DYNLT1: variants seen among roughly 807,000 people sequenced by gnomAD.
The protein encoded by DYNLT1 is dynein light chain Tctex-type 1, also known as T-complex testis-specific protein 1 homolog.
Under a neutral mutation model 19.6 loss-of-function variants are expected in DYNLT1, and 18 were observed. That is an observed-to-expected ratio of 0.92 (90% CI 0.64 to 1.36). The LOEUF (loss-of-function observed/expected upper bound fraction) is 1.36, where lower values mean the gene tolerates loss of function less well. Ranked by LOEUF, DYNLT1 falls within the 40% of genes most tolerant of loss-of-function variation. The probability of loss-of-function intolerance (pLI) is 0.00; values close to 1 mark genes in which losing one functional copy is unlikely to be tolerated. For synonymous variants in DYNLT1, 56 were observed against 44.0 expected (o/e 1.27, Z -1.07); for missense variants, 137 against 139.3 (o/e 0.98, Z 0.08).
At chr6:158,637,312 T>A (rs930705463) in intron 3 of DYNLT1, 107 bp from the exon 4 acceptor site, 1 of 989,610 alleles carries the variant, frequency 1.0e-6, no homozygotes, top group African/African-American at 1.6e-5. Flanking sequence ...GTGGTTGATG[T>A]TCTCGATAAA....
Position 158,637,644 on chromosome 6 carries a change from C to T in DYNLT1, c.193+127G>A, listed in dbSNP as rs770623463. On this transcript the variant is annotated intron_variant, in intron 3 of 4. Coordinates refer to ENST00000367089, the MANE Select transcript of DYNLT1 (RefSeq NM_006519.4). ...CGTACGCTAACGTATACTACACACA[C>T]GACCGACTCCCACCAGGAGCCTTCC... The T allele has an allele frequency of 2.0e-5, 29 of 1,463,362 alleles. 1 individual carries two copies. The highest frequency in any genetic ancestry group is 1.7e-4 in the South Asian group (15 of 86,704). 90.6% of individuals were successfully genotyped at this position (1,463,362 alleles called of 1,614,324 possible). A position where few individuals can be genotyped will look rare whatever the true frequency, so the allele number is the denominator to read the frequency against.
chr6:158,644,620 G>C lies in DYNLT1; in HGVS notation c.27+62C>G, dbSNP rs1231750977. ...CAGCCAGGCCTTTCCGGGCAGGACCGCGTGTCCTTCCGCGGCCAGGGCTCT... is the reference window on the plus strand; with the variant it reads ...CAGCCAGGCCTTTCCGGGCAGGACCCCGTGTCCTTCCGCGGCCAGGGCTCT... On this transcript the variant is annotated intron_variant, in intron 1 of 4. Transcript: ENST00000367089. 5.6e-6 allele frequency: 9 copies of C among 1,600,270 alleles called. No individual in the cohort carries two copies. In the Admixed American group the frequency reaches 1.5e-4, roughly 27 times the overall value.
At chr6:158,641,559 G>T in intron 1 of DYNLT1, 199 bp from the exon 2 acceptor site, 1 of 412,068 alleles carries the variant, frequency 2.4e-6, no homozygotes. Context: ...ATAATTTAAA[G>T]GTATTGTTTT....
Position 158,636,896 on chromosome 6 carries a change from C to A in DYNLT1, c.273G>T (p.Gly91=). The A allele has an allele frequency of 6.2e-7, 1 of 1,613,480 alleles. No homozygotes were observed. Among genetic ancestry groups the A allele is most frequent in the South Asian group, 1.1e-5 (1 of 90,868 alleles). Residue 91 remains glycine (G), a splice_region_variant and synonymous_variant, in exon 5 of 5, where the codon GGG becomes GGT. Coordinates refer to ENST00000367089, the MANE Select transcript of DYNLT1 (RefSeq NM_006519.4). The stretch of plus-strand genomic sequence containing the variant: ...TATTCTCCCATCGCACAGTGCAGCT[C>A]CCTGCGGGAGGGAAGAGAGCAGCAT... The part of the protein sequence containing the change: ...SSCFWDSSTD[G]SCTVRWENKT...
chr6:158,644,673 G>T lies in DYNLT1; in HGVS notation c.27+9C>A. On this transcript the variant is annotated intron_variant, in intron 1 of 4. Coordinates refer to ENST00000367089, the MANE Select transcript of DYNLT1 (RefSeq NM_006519.4). The stretch of plus-strand genomic sequence containing the variant: ...GCCTCCACCCTTCCGTCGCCGACCC[G>T]GCGGTTACCTCCTCCGCAGCCTGGT... 2.5e-6 allele frequency: 4 copies of T among 1,612,050 alleles called. No individual in the cohort carries two copies. The highest frequency in any genetic ancestry group is 3.4e-6 in the Non-Finnish European group (4 of 1,179,712).
rs770392224 is a variant in DYNLT1 at position 158,637,204 on chromosome 6, C to T, written c.195G>A (p.Val65=). 1.9e-6 allele frequency: 3 copies of T among 1,613,152 alleles called. No individual in the cohort carries two copies. In the African/African-American group the frequency reaches 4.0e-5, roughly 22 times the overall value. ...TKLGKPFKYI[V]TCVIMQKNGA... is the part of the protein sequence containing the mutation. ...CATTCTTCTGCATAATTACACAGGT[C>T]ACTTAAGTTAAAACAAATTTTTGTT... The change falls in exon 4 of 5, where the codon GTG becomes GTA. Residue 65 remains valine, a splice_region_variant and synonymous_variant. Transcript: ENST00000367089.
chr6:158,644,239 G>A (rs1787266941), intron 1 of DYNLT1, among the ~76,000 whole-genome samples: 1 of 151,878 alleles, frequency 6.6e-6, no homozygotes, highest in Non-Finnish European at 1.5e-5. Flanking sequence ...GCACCTCCGC[G>A]GGGAGACGTC....
chr6:158,637,938 C>G (rs774835348), intron 2 of DYNLT1, 44 bp from the exon 3 acceptor site: 1 of 1,592,438 alleles, frequency 6.3e-7, no homozygotes, highest in Admixed American at 1.7e-5. Flanking sequence ...ACCAAATGCA[C>G]CCACACCACC....
intron 1 of DYNLT1, among the ~76,000 whole-genome samples, chr6:158,643,415 T>G (rs1787204055): frequency 6.6e-6 from 1 of 152,200 alleles, no homozygotes; most frequent in Non-Finnish European, 1.5e-5. Flanking sequence ...ACTGAAACTC[T>G]AGAATCAGTC....
chr6:158,636,734 A>G lies in DYNLT1; in HGVS notation c.*93T>C. 6 of 1,407,676 alleles carry G rather than the reference A, an allele frequency of 4.3e-6. No individual in the cohort carries two copies. In the South Asian group the frequency reaches 6.4e-5, roughly 15 times the overall value. 87.2% of individuals were successfully genotyped at this position (1,407,676 alleles called of 1,614,324 possible). ...TACATTGTGAAAGTGCCACAAAACA[A>G]AGAGAATGAGAAAAGAGTTCACTGA... is the stretch of plus-strand genomic sequence containing the variant. On this transcript the variant is annotated 3_prime_UTR_variant, in exon 5 of 5. Transcript: ENST00000367089.
intron 1 of DYNLT1, among the ~76,000 whole-genome samples, chr6:158,643,416 A>G (rs1202190720): frequency 2.6e-5 from 4 of 152,224 alleles, no homozygotes; most frequent in Non-Finnish European, 5.9e-5. Context: ...CTGAAACTCT[A>G]GAATCAGTCC....
chr6:158,642,598 A>G (rs1787160305), intron 1 of DYNLT1: 1 of 152,202 alleles, frequency 6.6e-6, no homozygotes, highest in South Asian at 2.1e-4. Flanking sequence ...GACTGCCCGA[A>G]GCCACCTCAC....
At chr6:158,643,557 C>T (rs777486058) in intron 1 of DYNLT1, among the ~76,000 whole-genome samples, 1 of 152,186 alleles carries the variant, frequency 6.6e-6, no homozygotes, top group Non-Finnish European at 1.5e-5. Flanking sequence ...TCTTGGCTCA[C>T]GGCAACCTCT....
chr6:158,638,116 C>T (rs538181440), intron 2 of DYNLT1, among the ~76,000 whole-genome samples: 3 of 152,248 alleles, frequency 2.0e-5, no homozygotes, highest in African/African-American at 7.2e-5. Context: ...CACATTTTGA[C>T]CTAATAATCA....
intron 1 of DYNLT1, among the ~76,000 whole-genome samples, chr6:158,644,158 C>G (rs1348130071): frequency 1.3e-5 from 2 of 152,042 alleles, no homozygotes. Flanking sequence ...CCAGGTGAGG[C>G]CCGAGACAAA....
intron 3 of DYNLT1, chr6:158,637,410 TCAA>T: frequency 1.6e-6 from 1 of 623,500 alleles, no homozygotes; most frequent in Non-Finnish European, 2.9e-6. Context: ...CCATCATAAA[TCAA>T]CAATATATGA....
chr6:158,637,009 G>A (rs1019290124), intron 4 of DYNLT1, 112 bp from the exon 5 acceptor site: 1 of 1,537,912 alleles, frequency 6.5e-7, no homozygotes, highest in Non-Finnish European at 8.9e-7. Context: ...AAAGAACCTT[G>A]GCAAGTCTAT....
intron 3 of DYNLT1, 107 bp from the exon 4 acceptor site, chr6:158,637,312 T>G: frequency 1.0e-6 from 1 of 989,728 alleles, no homozygotes; most frequent in Non-Finnish European, 1.5e-6. Flanking sequence ...GTGGTTGATG[T>G]TCTCGATAAA....
chr6:158,637,750 A>G lies in DYNLT1; in HGVS notation c.193+21T>C, dbSNP rs764576544. ...GTTAAAAAACCATCCCGCAAATATAAAAGAAACAAGACTCCATTACCGATG... is the reference window on the plus strand; with the variant it reads ...GTTAAAAAACCATCCCGCAAATATAGAAGAAACAAGACTCCATTACCGATG... On this transcript the variant is annotated intron_variant, in intron 3 of 4. Coordinates refer to ENST00000367089, the MANE Select transcript of DYNLT1 (RefSeq NM_006519.4). The G allele has an allele frequency of 1.4e-5, 22 of 1,613,966 alleles. 1 individual carries two copies. Among genetic ancestry groups the G allele is most frequent in the Non-Finnish European group, 1.8e-5 (21 of 1,179,992 alleles).
Sources: allele counts gnomAD v4.1 joint callset (sites outside exome capture counted in the v4.1 genomes callset), GRCh38; gene constraint gnomAD v4.1.1; transcripts MANE v1.5; gene names NCBI Gene and HGNC (gene_info 2026-07-23, HGNC 2026-07-21).